PDLIM5: variants seen among roughly 807,000 people sequenced by gnomAD.
The protein encoded by PDLIM5 is PDZ and LIM domain protein 5.
A neutral mutation model predicts 64.2 loss-of-function variants in PDLIM5; 34 were observed. The observed-to-expected ratio is 0.53, with a 90% confidence interval of 0.40 to 0.71. The LOEUF is 0.71. PDLIM5 is among the 30% of genes least tolerant of loss of function. PDLIM5 has a pLI of 0.00. For synonymous variants in PDLIM5, 253 were observed against 269.1 expected (o/e 0.94, Z 0.59); for missense variants, 683 against 733.6 (o/e 0.93, Z 0.80).
At chr4:94,630,336 T>G (rs1012555433) in intron 8 of PDLIM5, among the ~76,000 whole-genome samples, 1 of 152,074 alleles carries the variant, frequency 6.6e-6, no homozygotes, top group Non-Finnish European at 1.5e-5. Flanking sequence ...ACATTTGTCT[T>G]TTGTCAGGGG....
chr4:94,548,165 G>A (rs1478411846), intron 3 of PDLIM5, among the ~76,000 whole-genome samples: 4 of 151,978 alleles, frequency 2.6e-5, no homozygotes, highest in Non-Finnish European at 5.9e-5. Flanking sequence ...GAGCACTTTT[G>A]TTTTCTTAAT....
At chr4:94,590,261 G>C (rs1218527895) in intron 7 of PDLIM5, among the ~76,000 whole-genome samples, 1 of 152,070 alleles carries the variant, frequency 6.6e-6, no homozygotes, top group Admixed American at 6.6e-5. Flanking sequence ...ACAAATTGTG[G>C]TATTAGGACA....
intron 3 of PDLIM5, among the ~76,000 whole-genome samples, chr4:94,526,734 C>CTTTTTT: frequency 6.8e-6 from 1 of 147,248 alleles, no homozygotes; most frequent in Non-Finnish European, 1.5e-5. Flanking sequence ...GCATTTCTTT[C>CTTTTTT]TTTCTTTTTT....
Position 94,462,216 on chromosome 4 carries a change from G to A in PDLIM5, c.96+6832G>A, listed in dbSNP as rs116521985. Among the ~76,000 whole-genome samples the A allele has an allele frequency of 1.2e-3, 183 of 152,212 alleles. 1 individual carries two copies. The highest frequency in any genetic ancestry group is 4.1e-3 in the African/African-American group (172 of 41,538). On this transcript the variant is annotated intron_variant, in intron 2 of 12. Transcript: ENST00000317968. ...GGTTCAAAATTCAAAAGATACACGAGCGTATAGGGGGAAATGTCTCCTGGT... is the reference window on the plus strand; with the variant it reads ...GGTTCAAAATTCAAAAGATACACGAACGTATAGGGGGAAATGTCTCCTGGT...
intron 8 of PDLIM5, among the ~76,000 whole-genome samples, chr4:94,621,512 A>G (rs1485482377): frequency 6.6e-6 from 1 of 152,192 alleles, no homozygotes; most frequent in Non-Finnish European, 1.5e-5. Flanking sequence ...GAAAAGACTA[A>G]ATTTCTGAGG....
At chr4:94,507,440 T>G (rs1417614547) in intron 2 of PDLIM5, among the ~76,000 whole-genome samples, 1 of 152,104 alleles carries the variant, frequency 6.6e-6, no homozygotes, top group Non-Finnish European at 1.5e-5. Flanking sequence ...TGGGTGAGAC[T>G]CAAGTTATGA....
At chr4:94,595,863 A>C (rs1737032956) in intron 7 of PDLIM5, among the ~76,000 whole-genome samples, 1 of 152,194 alleles carries the variant, frequency 6.6e-6, no homozygotes, top group African/African-American at 2.4e-5. Context: ...TGAGATAAGA[A>C]TTAGCAATTG....
chr4:94,563,954 C>CTTTTTTTT (rs1734055729), intron 3 of PDLIM5, among the ~76,000 whole-genome samples: 1 of 116,264 alleles, frequency 8.6e-6, no homozygotes. Context: ...TTTTTTCTTT[C>CTTTTTTTT]TTTCTTTTTT....
chr4:94,624,324 A>C (rs1739492405), intron 8 of PDLIM5, among the ~76,000 whole-genome samples: 1 of 151,164 alleles, frequency 6.6e-6, no homozygotes, highest in African/African-American at 2.4e-5. Flanking sequence ...ATCTAAAAAA[A>C]ATGTGATAAT....
At chr4:94,545,104 T>C (rs1732189927) in intron 3 of PDLIM5, among the ~76,000 whole-genome samples, 1 of 152,216 alleles carries the variant, frequency 6.6e-6, no homozygotes, top group Non-Finnish European at 1.5e-5. Flanking sequence ...ATTCCTATTT[T>C]GTAGTTAGTT....
intron 2 of PDLIM5, among the ~76,000 whole-genome samples, chr4:94,480,527 C>T (rs1310160653): frequency 3.9e-5 from 6 of 152,160 alleles, no homozygotes; most frequent in Admixed American, 3.9e-4. Context: ...GTTCCCAGAG[C>T]CCAACTGTGG....
Position 94,519,475 on chromosome 4 carries a change from C to G in PDLIM5, c.97-4249C>G, listed in dbSNP as rs187340582. ...TTCGGGTCACACAACCAGCAAATGG[C>G]AGAACATGAATATAAACTCATATTT... On this transcript the variant is annotated intron_variant, in intron 2 of 12. Coordinates refer to ENST00000317968, the MANE Select transcript of PDLIM5 (RefSeq NM_006457.5). 2.6e-5 allele frequency among the ~76,000 whole-genome samples: 4 copies of G among 152,216 alleles called. No individual in the cohort carries two copies. In the East Asian group the frequency reaches 7.7e-4, roughly 29 times the overall value.
Position 94,654,652 on chromosome 4 carries a change from A to G in PDLIM5, c.1464+12A>G. 1 of 1,559,244 alleles carries G rather than the reference A, an allele frequency of 6.4e-7. No individual in the cohort carries two copies. The highest frequency in any genetic ancestry group is 8.8e-7 in the Non-Finnish European group (1 of 1,136,088). Reference sequence around the variant, plus strand: ...GGAAGATCCTTGGAGTAAGTATTGGAAACGTTTTTATTCTGAATGAGTTTT... The same window carrying G: ...GGAAGATCCTTGGAGTAAGTATTGGGAACGTTTTTATTCTGAATGAGTTTT... On this transcript the variant is annotated intron_variant, in intron 10 of 12. Transcript: ENST00000317968.
chr4:94,464,737 G>T (rs1578199155), intron 2 of PDLIM5, among the ~76,000 whole-genome samples: 1 of 152,218 alleles, frequency 6.6e-6, no homozygotes, highest in Middle Eastern at 3.4e-3. Context: ...TGGTTGTTTT[G>T]ATCTTTTTAG....
intron 7 of PDLIM5, 96 bp from the exon 8 acceptor site, chr4:94,617,908 G>A (rs1738913844): frequency 1.6e-6 from 1 of 610,070 alleles, no homozygotes; most frequent in Non-Finnish European, 2.7e-6. Context: ...ATTAATCAAT[G>A]GATTTTGATT....
intron 7 of PDLIM5, among the ~76,000 whole-genome samples, chr4:94,609,804 T>A (rs1203478732): frequency 1.3e-5 from 2 of 152,202 alleles, no homozygotes; most frequent in Non-Finnish European, 2.9e-5. Flanking sequence ...TCTATGCTTA[T>A]AGAAATTCAG....
chr4:94,510,550 C>T (rs1728778332), intron 2 of PDLIM5, among the ~76,000 whole-genome samples: 1 of 152,088 alleles, frequency 6.6e-6, no homozygotes, highest in Non-Finnish European at 1.5e-5. Context: ...TTCAGTTTTA[C>T]TTCTGTATGT....
chr4:94,641,171 G>A (rs894651730), intron 9 of PDLIM5, among the ~76,000 whole-genome samples: 9 of 152,222 alleles, frequency 5.9e-5, no homozygotes, highest in Non-Finnish European at 1.0e-4. Flanking sequence ...CACTTCGTGA[G>A]TTGCCTTGTT....
intron 3 of PDLIM5, among the ~76,000 whole-genome samples, chr4:94,530,648 C>T (rs1241403491): frequency 6.6e-6 from 1 of 151,568 alleles, no homozygotes; most frequent in African/African-American, 2.4e-5. Flanking sequence ...TACTGTCTAA[C>T]TTGTTATGAT....
Sources: gnomAD v4.1 joint callset for allele counts (sites outside exome capture counted in the v4.1 genomes callset) on GRCh38, gnomAD v4.1.1 for gene constraint, MANE v1.5 for transcripts, NCBI Gene and HGNC (gene_info 2026-07-23, HGNC 2026-07-21) for gene names.